Variants in ACADM observed in about 807,000 individuals in gnomAD.
The protein encoded by ACADM is acyl-CoA dehydrogenase medium chain.
In ACADM, 49 loss-of-function variants were observed where a neutral mutation model predicts 58.9. The ratio of observed to expected loss-of-function variants is 0.83; its 90% CI spans 0.66 to 1.06. The LOEUF is 1.06. Among genes scored for constraint, ACADM ranks in the 50% least tolerant of loss-of-function variants. The probability of loss-of-function intolerance (pLI) is 0.00; values close to 1 mark genes in which losing one functional copy is unlikely to be tolerated. For missense variants in ACADM, 496 were observed against 507.0 expected, an observed-to-expected ratio of 0.98 and a Z score of 0.21; for synonymous variants, 160 against 157.7, an observed-to-expected ratio of 1.01 and a Z score of -0.11.
Position 75,733,646 on chromosome 1 carries a change from T to C in ACADM, c.387+18T>C. On this transcript the variant is annotated intron_variant, in intron 5 of 11. Transcript: ENST00000370841. ...CTTTGGGGGTAAGTGACTTAGAAAATTAACTACCTAACTCAGCTCTTGTTA... is the reference window on the plus strand; with the variant it reads ...CTTTGGGGGTAAGTGACTTAGAAAACTAACTACCTAACTCAGCTCTTGTTA... 6.4e-7 allele frequency: 1 copy of C among 1,574,406 alleles called. No individual in the cohort carries two copies. Among genetic ancestry groups the C allele is most frequent in the Non-Finnish European group, 8.7e-7 (1 of 1,144,102 alleles).
chr1:75,737,290 A>ATATATATATGTG (rs1553123537), intron 6 of ACADM, among the ~76,000 whole-genome samples: 1 of 78,224 alleles, frequency 1.3e-5, no homozygotes, highest in African/African-American at 5.8e-5. Flanking sequence ...ATATATATAT[A>ATATATATATGTG]TATATATATA....
At chr1:75,743,339 C>T in intron 7 of ACADM, 1 of 1,509,850 alleles carries the variant, frequency 6.6e-7, no homozygotes, top group South Asian at 1.2e-5. Flanking sequence ...ACCAGGCTAA[C>T]CTGGGACCCA....
chr1:75,730,292 A>G (rs375565350), intron 2 of ACADM, among the ~76,000 whole-genome samples: 12 of 152,184 alleles, frequency 7.9e-5, no homozygotes, highest in Non-Finnish European at 1.2e-4. Context: ...GGAGAAATCT[A>G]TGGTGGTTCA....
Position 75,745,891 on chromosome 1 carries a change from C to A in ACADM, c.685C>A (p.Pro229Thr). Reference sequence around the variant, plus strand: ...TGGATTCATTGTGGAAGCAGATACCCCAGGAATTCAGATTGGGAGAAAGGT... The same window carrying A: ...TGGATTCATTGTGGAAGCAGATACCACAGGAATTCAGATTGGGAGAAAGGT... ...FTGFIVEADT[P>T]GIQIGRKELN... is the part of the protein sequence containing the mutation. The change falls in exon 8 of 12, where the codon CCA becomes ACA. Residue 229 changes from proline to threonine, a missense_variant. Transcript: ENST00000370841. 6.2e-7 allele frequency: 1 copy of A among 1,612,510 alleles called. No homozygotes were observed. Among genetic ancestry groups the A allele is most frequent in the East Asian group, 2.2e-5 (1 of 44,818 alleles).
intron 8 of ACADM, among the ~76,000 whole-genome samples, chr1:75,748,625 A>G (rs1648026721): frequency 6.6e-6 from 1 of 152,212 alleles, no homozygotes; most frequent in Non-Finnish European, 1.5e-5. Context: ...AGACACAGAA[A>G]GCGGACTTTA....
intron 4 of ACADM, 77 bp downstream of exon 4, chr1:75,732,999 T>G: frequency 6.2e-7 from 1 of 1,613,322 alleles, no homozygotes; most frequent in Admixed American, 1.7e-5. Context: ...AGTCATTTTT[T>G]TCAAATATTT....
intron 10 of ACADM, among the ~76,000 whole-genome samples, chr1:75,752,402 T>G (rs1648257638): frequency 6.6e-6 from 1 of 152,232 alleles, no homozygotes; most frequent in African/African-American, 2.4e-5. Context: ...TAAATGCTTA[T>G]TCTCATCTTC....
intron 1 of ACADM, among the ~76,000 whole-genome samples, chr1:75,726,890 C>T (rs940451612): frequency 4.0e-5 from 6 of 151,196 alleles, no homozygotes; most frequent in Non-Finnish European, 8.8e-5. Flanking sequence ...CTGCAACCTC[C>T]GCCTTCCGGG....
At chr1:75,733,171 G>C (rs761849768) in intron 4 of ACADM, 9 of 1,611,990 alleles carry the variant, frequency 5.6e-6, no homozygotes, top group Non-Finnish European at 6.8e-6. Flanking sequence ...TTCTAGAGTT[G>C]GTCAATTTGT....
In ACADM at chr1:75,734,224, C is replaced by T. The variant is rs544494065; in HGVS notation, c.388-567C>T. 1.9e-4 allele frequency among the ~76,000 whole-genome samples: 28 copies of T among 143,914 alleles called. 1 individual carries two copies. Among genetic ancestry groups the T allele is most frequent in the Admixed American group, 1.8e-3 (25 of 13,926 alleles). The allele number at this position is 143,914 out of a possible 152,430, so 94.4% of individuals were successfully genotyped here. A position where few individuals can be genotyped will look rare whatever the true frequency, so the allele number is the denominator to read the frequency against. On this transcript the variant is annotated intron_variant, in intron 5 of 11. Transcript: ENST00000370841. ...TGTTGCCCAGGCTGGAGTGCAGTGGCGCGATCTCAGCTCACTGCAAGCTCC... is the reference window on the plus strand; with the variant it reads ...TGTTGCCCAGGCTGGAGTGCAGTGGTGCGATCTCAGCTCACTGCAAGCTCC...
chr1:75,762,619 G>C, intron 11 of ACADM, 73 bp from the exon 12 acceptor site: 1 of 968,030 alleles, frequency 1.0e-6, no homozygotes, highest in South Asian at 1.3e-5. Flanking sequence ...TTATGCTACT[G>C]TCTAAAATGT....
Position 75,728,495 on chromosome 1 carries a change from G to T in ACADM, c.118+7G>T, listed in dbSNP as rs772778486. ...GGATTAGGATTTAGTTTTGGTATAT[G>T]TTCGGTTCTATCTTTTGACTTTAAA... is the stretch of plus-strand genomic sequence containing the variant. On this transcript the variant is annotated splice_region_variant and intron_variant, in intron 2 of 11. Transcript: ENST00000370841. 1 of 1,599,394 alleles carries T rather than the reference G, an allele frequency of 6.3e-7. No individual in the cohort carries two copies.
chr1:75,759,300 C>G (rs563581459), intron 10 of ACADM, among the ~76,000 whole-genome samples: 1 of 152,332 alleles, frequency 6.6e-6, no homozygotes, highest in Non-Finnish European at 1.5e-5. Context: ...TAGCCCCTCT[C>G]CCCTCCCTGG....
rs1369827259 is a variant in ACADM at position 75,749,533 on chromosome 1, G to C, written c.823G>C (p.Gly275Arg). The change falls in exon 9 of 12, where the codon GGA (glycine) becomes CGA (arginine). Residue 275 changes from glycine to arginine, a missense_variant. Coordinates refer to ENST00000370841, the MANE Select transcript of ACADM (RefSeq NM_000016.6). ...GDGAGFKVAM[G>R]AFDKTRPVVA... is the part of the protein sequence containing the mutation. ...CGGAGCTGGTTTCAAAGTTGCAATGGGAGCTTTTGATAAAACCAGACCTGT... is the reference window on the plus strand; with the variant it reads ...CGGAGCTGGTTTCAAAGTTGCAATGCGAGCTTTTGATAAAACCAGACCTGT... 1.2e-6 allele frequency: 2 copies of C among 1,613,774 alleles called. No homozygotes were observed. The highest frequency in any genetic ancestry group is 1.7e-6 in the Non-Finnish European group (2 of 1,179,964).
rs201537796 is a variant in ACADM at position 75,749,704 on chromosome 1, TTTTC to T, written c.849+153_849+156del. 3,155 of 757,402 alleles carry T rather than the reference TTTTC, an allele frequency of 4.2e-3. 68 individuals carry two copies. In the African/African-American group the frequency reaches 0.055, roughly 13 times the overall value. The allele number at this position is 757,402 out of a possible 1,614,324, so 46.9% of individuals were successfully genotyped here. On this transcript the variant is annotated intron_variant, in intron 9 of 11. Coordinates refer to ENST00000370841, the MANE Select transcript of ACADM (RefSeq NM_000016.6). Reference sequence around the variant, plus strand: ...AAGGATATAGGAAAAATACTGTTACTTTTCTTTCTTTTTTTTTTTTTTTTTTTGA... The same window carrying T: ...AAGGATATAGGAAAAATACTGTTACTTTTCTTTTTTTTTTTTTTTTTTTGA...
intron 10 of ACADM, among the ~76,000 whole-genome samples, chr1:75,752,239 C>G (rs561958916): frequency 1.3e-5 from 2 of 152,132 alleles, no homozygotes; most frequent in East Asian, 1.9e-4. Flanking sequence ...ACCTCAGCCC[C>G]CCATGAGCCT....
chr1:75,733,710 GAAAA>G, intron 5 of ACADM, 82 bp downstream of exon 5: 1 of 1,133,198 alleles, frequency 8.8e-7, no homozygotes, highest in Non-Finnish European at 1.3e-6. Flanking sequence ...ATTTTTAGAA[GAAAA>G]AAAAAGGAAA....
chr1:75,754,654 T>C (rs1236590926), intron 10 of ACADM, among the ~76,000 whole-genome samples: 3 of 152,248 alleles, frequency 2.0e-5, no homozygotes, highest in Non-Finnish European at 4.4e-5. Context: ...GGTTCCAAGA[T>C]GGCTGAATAG....
intron 1 of ACADM, among the ~76,000 whole-genome samples, chr1:75,725,058 T>C (rs191029200): frequency 2.1e-4 from 32 of 152,242 alleles, no homozygotes; most frequent in Non-Finnish European, 3.2e-4. Context: ...ATCCTCTCTT[T>C]AGAATATCGT....
Sources: gnomAD v4.1 joint callset for allele counts (sites outside exome capture counted in the v4.1 genomes callset) on GRCh38, gnomAD v4.1.1 for gene constraint, MANE v1.5 for transcripts, NCBI Gene and HGNC (gene_info 2026-07-23, HGNC 2026-07-21) for gene names.